CDH13: variants seen among roughly 807,000 people sequenced by gnomAD.
CDH13 encodes the protein cadherin 13.
Under a neutral mutation model 63.8 loss-of-function variants are expected in CDH13, and 24 were observed. That is an observed-to-expected ratio of 0.38 (90% CI 0.27 to 0.53). The LOEUF is 0.53. Among genes scored for constraint, CDH13 ranks in the 20% least tolerant of loss-of-function variants. The pLI is 0.85. For missense variants in CDH13, 1,049 were observed against 903.1 expected, an observed-to-expected ratio of 1.16 and a Z score of -2.07; for synonymous variants, 503 against 355.3, an observed-to-expected ratio of 1.42 and a Z score of -4.67.
intron 11 of CDH13, among the ~76,000 whole-genome samples, chr16:83,775,230 G>T (rs144487106): frequency 5.3e-5 from 8 of 151,902 alleles, no homozygotes; most frequent in Middle Eastern, 6.8e-3. Flanking sequence ...CAGATCTTCT[G>T]CTCTGATCTT....
intron 10 of CDH13, among the ~76,000 whole-genome samples, chr16:83,714,639 T>G (rs1434568967): frequency 6.6e-6 from 1 of 152,232 alleles, no homozygotes; most frequent in African/African-American, 2.4e-5. Flanking sequence ...CTATAGAGAC[T>G]GTAACATATG....
intron 5 of CDH13, among the ~76,000 whole-genome samples, chr16:83,234,119 G>A (rs879268148): frequency 6.6e-6 from 1 of 152,212 alleles, no homozygotes; most frequent in Non-Finnish European, 1.5e-5. Context: ...ACCCCCAGGG[G>A]CAACCCTAGA....
intron 1 of CDH13, among the ~76,000 whole-genome samples, chr16:82,728,966 C>A (rs1453567475): frequency 6.6e-6 from 1 of 152,118 alleles, no homozygotes; most frequent in Non-Finnish European, 1.5e-5. Context: ...CTCAAGAAAC[C>A]ACTTTCTTGG....
At chr16:83,787,459 C>T (rs938923934) in intron 13 of CDH13, among the ~76,000 whole-genome samples, 2 of 152,224 alleles carry the variant, frequency 1.3e-5, no homozygotes, top group Admixed American at 1.3e-4. Flanking sequence ...ACTCCTCCTG[C>T]TGGAGGATCC....
intron 6 of CDH13, among the ~76,000 whole-genome samples, chr16:83,430,341 C>G (rs1357327168): frequency 6.6e-6 from 1 of 152,178 alleles, no homozygotes; most frequent in Non-Finnish European, 1.5e-5. Context: ...TACTCCCACA[C>G]AGCATTGAAG....
At chr16:83,321,854 C>G (rs1194410391) in intron 5 of CDH13, among the ~76,000 whole-genome samples, 1 of 152,198 alleles carries the variant, frequency 6.6e-6, no homozygotes. Context: ...TTAAACACTT[C>G]TGTCTTAAGG....
At chr16:83,112,692 T>A (rs1223442124) in intron 3 of CDH13, among the ~76,000 whole-genome samples, 1 of 152,232 alleles carries the variant, frequency 6.6e-6, no homozygotes, top group Non-Finnish European at 1.5e-5. Flanking sequence ...GTAGTTAAAT[T>A]ACTTAGTCAA....
chr16:83,018,190 G>A (rs1447373274), intron 2 of CDH13, among the ~76,000 whole-genome samples: 1 of 152,108 alleles, frequency 6.6e-6, no homozygotes, highest in African/African-American at 2.4e-5. Flanking sequence ...TTTTGCCTCT[G>A]TAAAATGGTT....
intron 7 of CDH13, among the ~76,000 whole-genome samples, 167 bp downstream of exon 7, chr16:83,486,822 A>T (rs2073901066): frequency 6.6e-6 from 1 of 152,150 alleles, no homozygotes; most frequent in Non-Finnish European, 1.5e-5. Context: ...ATGGGATATT[A>T]TGTGACCCAA....
rs186490577 is a variant in CDH13, at chr16:83,736,756, A to G, written c.1539-11352A>G. ...CCCTGACTAGGAAGAGCCCGGCCACAGCAAAATCTTATTGCAGGCACAAAA... is the reference window on the plus strand; with the variant it reads ...CCCTGACTAGGAAGAGCCCGGCCACGGCAAAATCTTATTGCAGGCACAAAA... On this transcript the variant is annotated intron_variant, in intron 10 of 13. Transcript: ENST00000567109. Among the ~76,000 whole-genome samples, 4 of 152,342 alleles carry G rather than the reference A, an allele frequency of 2.6e-5. No individual in the cohort carries two copies. In the East Asian group the frequency reaches 7.7e-4, roughly 29 times the overall value.
chr16:83,066,774 G>C (rs2032043811), intron 3 of CDH13, among the ~76,000 whole-genome samples: 1 of 152,176 alleles, frequency 6.6e-6, no homozygotes, highest in Admixed American at 6.5e-5. Flanking sequence ...AGACTGGAAT[G>C]CTCAAAGTCC....
intron 3 of CDH13, among the ~76,000 whole-genome samples, chr16:83,105,859 AG>A (rs1297962651): frequency 6.6e-6 from 1 of 152,166 alleles, no homozygotes; most frequent in African/African-American, 2.4e-5. Flanking sequence ...ACCAGGAGGG[AG>A]AAAGTAGTGA....
intron 6 of CDH13, among the ~76,000 whole-genome samples, chr16:83,404,678 C>A (rs1452931615): frequency 2.0e-5 from 3 of 152,358 alleles, no homozygotes; most frequent in Non-Finnish European, 4.4e-5. Context: ...CTCCTATGTG[C>A]CTAAATCTTC....
chr16:83,439,625 G>A (rs1293648842), intron 6 of CDH13, among the ~76,000 whole-genome samples: 3 of 152,200 alleles, frequency 2.0e-5, no homozygotes, highest in African/African-American at 7.2e-5. Context: ...CAGGAAAGGC[G>A]ATGGCTTCGG....
chr16:83,111,479 T>C (rs1310744801), intron 3 of CDH13, among the ~76,000 whole-genome samples: 1 of 152,176 alleles, frequency 6.6e-6, no homozygotes, highest in Non-Finnish European at 1.5e-5. Flanking sequence ...GCATGATGTG[T>C]CTGAGGATTT....
chr16:83,417,128 G>A (rs1237679021), intron 6 of CDH13, among the ~76,000 whole-genome samples: 2 of 152,146 alleles, frequency 1.3e-5, no homozygotes, highest in African/African-American at 4.8e-5. Context: ...GAAAAGAGAG[G>A]TTAATTAGCC....
chr16:82,732,009 A>G (rs932005283), intron 1 of CDH13, among the ~76,000 whole-genome samples: 5 of 152,304 alleles, frequency 3.3e-5, no homozygotes, highest in Admixed American at 2.0e-4. Context: ...TTTGATCTGC[A>G]GCTTAAATGT....
intron 8 of CDH13, among the ~76,000 whole-genome samples, chr16:83,635,960 C>G (rs1911223921): frequency 6.6e-6 from 1 of 152,106 alleles, no homozygotes; most frequent in Non-Finnish European, 1.5e-5. Context: ...AGTCCATGAT[C>G]CTTTCGGAAC....
intron 6 of CDH13, among the ~76,000 whole-genome samples, chr16:83,454,266 G>C (rs1316869997): frequency 2.0e-5 from 3 of 152,160 alleles, no homozygotes; most frequent in Admixed American, 1.3e-4. Flanking sequence ...ATAGCTTGTG[G>C]GTGTCTGAGA....
Sources: allele counts gnomAD v4.1 joint callset (sites outside exome capture counted in the v4.1 genomes callset), GRCh38; gene constraint gnomAD v4.1.1; transcripts MANE v1.5; gene names NCBI Gene and HGNC (gene_info 2026-07-23, HGNC 2026-07-21).